EPC1: variants seen among roughly 807,000 people sequenced by gnomAD.
The protein encoded by EPC1 is enhancer of polycomb 1.
In EPC1, 12 loss-of-function variants were observed where a neutral mutation model predicts 98.4. The observed-to-expected ratio is 0.12, with a 90% CI of 0.08 to 0.20. The LOEUF (loss-of-function observed/expected upper bound fraction) is 0.20. Among genes scored for constraint, EPC1 ranks in the 10% least tolerant of loss-of-function variants. The pLI, the probability that EPC1 is intolerant of heterozygous loss-of-function variation, is 1.00. For missense variants in EPC1, 729 were observed against 990.5 expected (o/e 0.74, Z 3.54); for synonymous variants, 357 against 363.9 (o/e 0.98, Z 0.21).
chr10:32,305,670 A>C, intron 2 of EPC1, 102 bp downstream of exon 2: 3 of 916,248 alleles, frequency 3.3e-6, no homozygotes, highest in Non-Finnish European at 4.5e-6. Flanking sequence ...ATGCTGGTCA[A>C]TGAAACAAAT....
At chr10:32,378,438 T>C (rs1349929315) in intron 1 of EPC1, 2 of 1,467,102 alleles carry the variant, frequency 1.4e-6, no homozygotes, top group East Asian at 5.0e-5. Context: ...AAATCCTTTT[T>C]AGCCGGTGGC....
At chr10:32,318,061 G>A (rs971050165) in intron 1 of EPC1, among the ~76,000 whole-genome samples, 15 of 152,098 alleles carry the variant, frequency 9.9e-5, no homozygotes, top group South Asian at 4.2e-4. Flanking sequence ...GGCTTAGGTC[G>A]TTTATGCTGT....
Position 32,271,692 on chromosome 10 carries a change from T to C in EPC1, c.2231A>G (p.Asn744Ser), listed in dbSNP as rs1201279188. The C allele has an allele frequency of 6.2e-7, 1 of 1,614,078 alleles. No individual in the cohort carries two copies. The highest frequency in any genetic ancestry group is 8.5e-7 in the Non-Finnish European group (1 of 1,180,016). The stretch of plus-strand genomic sequence containing the variant: ...TCGTGCATTTATTGGGGCAATAGAG[T>C]TTACAGTGGCAACTGATGAAGGTAC... ...LTVPSSVATV[N>S]SIAPINARHI... is the part of the protein sequence containing the mutation. Residue 744 changes from asparagine (N) to serine (S), a missense_variant, in exon 13 of 14, where the codon AAC becomes AGC. Around this residue, in one of 6 missense-constraint regions of EPC1, gnomAD observed 156 missense variants for 188.9 expected, o/e 0.83. Coordinates refer to ENST00000319778, the MANE Select transcript of EPC1 (RefSeq NM_001272004.3).
chr10:32,274,346 T>C (rs1835978006), intron 10 of EPC1, among the ~76,000 whole-genome samples: 1 of 152,178 alleles, frequency 6.6e-6, no homozygotes, highest in South Asian at 2.1e-4. Context: ...TTAACTTCAG[T>C]TTGATAATTT....
chr10:32,297,792 GATT>G (rs113992440), intron 2 of EPC1, among the ~76,000 whole-genome samples: 9 of 151,016 alleles, frequency 6.0e-5, no homozygotes, highest in Admixed American at 1.3e-4. Flanking sequence ...ACATTGAATA[GATT>G]ATTATTATTA....
chr10:32,376,060 C>T (rs1839865826), intron 1 of EPC1, among the ~76,000 whole-genome samples: 1 of 151,808 alleles, frequency 6.6e-6, no homozygotes, highest in South Asian at 2.1e-4. Flanking sequence ...ACTGTTTTTG[C>T]CTCATAGATT....
chr10:32,345,468 C>T, intron 1 of EPC1: 1 of 985,406 alleles, frequency 1.0e-6, no homozygotes, highest in South Asian at 4.7e-5. Context: ...TATTACAGTA[C>T]AATTTTCCAC....
intron 1 of EPC1, chr10:32,345,452 G>C (rs1036315073): frequency 2.0e-6 from 2 of 985,304 alleles, no homozygotes; most frequent in Admixed American, 6.1e-5. Flanking sequence ...ACAGTACCAA[G>C]AGAAGTATTA....
At chr10:32,294,281 G>A (rs1353857639) in intron 2 of EPC1, among the ~76,000 whole-genome samples, 1 of 152,166 alleles carries the variant, frequency 6.6e-6, no homozygotes, top group Non-Finnish European at 1.5e-5. Context: ...AAAATGCTTG[G>A]GACCAGAAGT....
At chr10:32,333,958 T>G (rs1253347031) in intron 1 of EPC1, among the ~76,000 whole-genome samples, 1 of 152,178 alleles carries the variant, frequency 6.6e-6, no homozygotes, top group East Asian at 1.9e-4. Context: ...AGATGGAAAA[T>G]GAAGCCTTCA....
intron 1 of EPC1, among the ~76,000 whole-genome samples, chr10:32,315,192 C>T (rs1372777809): frequency 6.6e-6 from 1 of 152,050 alleles, no homozygotes; most frequent in Non-Finnish European, 1.5e-5. Context: ...GACTCATTGC[C>T]TGGTATAATA....
chr10:32,279,161 A>T (rs1836262889), intron 10 of EPC1, among the ~76,000 whole-genome samples: 1 of 152,074 alleles, frequency 6.6e-6, no homozygotes, highest in Non-Finnish European at 1.5e-5. Flanking sequence ...CTGCCTGGCC[A>T]ATATGGTGAA....
chr10:32,358,778 C>T (rs1002647827), intron 1 of EPC1, among the ~76,000 whole-genome samples: 13 of 152,052 alleles, frequency 8.5e-5, no homozygotes, highest in African/African-American at 3.1e-4. Context: ...CATCATCTGT[C>T]TGAGTAGATG....
intron 1 of EPC1, among the ~76,000 whole-genome samples, chr10:32,343,703 G>GT (rs66512333): frequency 2.0e-5 from 3 of 150,090 alleles, no homozygotes; most frequent in East Asian, 2.0e-4. Context: ...TTGGGGGGGG[G>GT]GTGTAAGGGC....
At chr10:32,365,153 G>A (rs953406708) in intron 1 of EPC1, among the ~76,000 whole-genome samples, 3 of 152,104 alleles carry the variant, frequency 2.0e-5, no homozygotes, top group African/African-American at 4.8e-5. Flanking sequence ...GACACTTGAC[G>A]CTTAAACAAA....
At chr10:32,349,539 C>CA (rs1839050907), upstream of EPC1, among the ~76,000 whole-genome samples, 1 of 152,124 alleles carries the variant, frequency 6.6e-6, no homozygotes, top group South Asian at 2.1e-4. Context: ...CCCAAGGACT[C>CA]AAAGGCTGGA....
rs1477285519 is a variant in EPC1, at chr10:32,321,934, A to G, written c.154-16003T>C. Among the ~76,000 whole-genome samples, 3 of 151,704 alleles carry G rather than the reference A, an allele frequency of 2.0e-5. No individual in the cohort carries two copies. The East Asian group carries it at 5.8e-4, about 29-fold the overall frequency. ...AGAGATGATCAACAGCATCCTAGGTATAAGGATTATTAGAATGCTACAACC... is the reference window on the plus strand; with the variant it reads ...AGAGATGATCAACAGCATCCTAGGTGTAAGGATTATTAGAATGCTACAACC... On this transcript the variant is annotated intron_variant, in intron 1 of 13. Coordinates refer to ENST00000319778, the MANE Select transcript of EPC1 (RefSeq NM_001272004.3).
chr10:32,291,090 CT>C, intron 6 of EPC1, 72 bp downstream of exon 6: 2 of 1,436,812 alleles, frequency 1.4e-6, no homozygotes, highest in Non-Finnish European at 1.9e-6. Context: ...GTGTGTTTTT[CT>C]TTTTAACTTT....
At chr10:32,358,601 C>T (rs1370277716) in intron 1 of EPC1, among the ~76,000 whole-genome samples, 2 of 135,542 alleles carry the variant, frequency 1.5e-5, no homozygotes, top group Admixed American at 1.7e-4. Context: ...ACTGTGATCG[C>T]GTCACTGCAC....
Sources: allele counts gnomAD v4.1 joint callset (sites outside exome capture counted in the v4.1 genomes callset), GRCh38; gene constraint gnomAD v4.1.1; regional missense constraint gnomAD v4.1.1; transcripts MANE v1.5; gene names NCBI Gene and HGNC (gene_info 2026-07-23, HGNC 2026-07-21).